Variants in GALNT1 observed in about 807,000 individuals in gnomAD.
GALNT1 encodes the protein GalNAc transferase 1.
Under a neutral mutation model 65.7 loss-of-function variants are expected in GALNT1, and 17 were observed. The ratio of observed to expected loss-of-function variants is 0.26; its 90% CI spans 0.18 to 0.39. The LOEUF (loss-of-function observed/expected upper bound fraction) is 0.39, where lower values mean the gene tolerates loss of function less well. GALNT1 is among the 10% of genes least tolerant of loss of function. The probability of loss-of-function intolerance (pLI) is 1.00; values close to 1 mark genes in which losing one functional copy is unlikely to be tolerated. For synonymous variants in GALNT1, 210 were observed against 219.7 expected, an observed-to-expected ratio of 0.96 and a Z score of 0.39; for missense variants, 460 against 672.8, an observed-to-expected ratio of 0.68 and a Z score of 3.50.
chr18:35,651,857 G>C (rs892552198), intron 1 of GALNT1, among the ~76,000 whole-genome samples: 2 of 152,034 alleles, frequency 1.3e-5, no homozygotes, highest in Admixed American at 1.3e-4. Flanking sequence ...GCAATGGGTC[G>C]TGCAAATTAA....
At chr18:35,584,181 A>G (rs1362886903) in intron 1 of GALNT1, among the ~76,000 whole-genome samples, 3 of 152,220 alleles carry the variant, frequency 2.0e-5, no homozygotes, top group African/African-American at 7.2e-5. Flanking sequence ...TTTGATGGAC[A>G]GCTTTCCATA....
chr18:35,682,906 A>C (rs2047806756), intron 4 of GALNT1, among the ~76,000 whole-genome samples: 1 of 53,676 alleles, frequency 1.9e-5, no homozygotes, highest in Non-Finnish European at 3.4e-5. Context: ...CTGCCCCCTG[A>C]TTAAAAAAAA....
At chr18:35,604,748 A>G (rs981572277) in intron 1 of GALNT1, among the ~76,000 whole-genome samples, 1 of 152,086 alleles carries the variant, frequency 6.6e-6, no homozygotes, top group African/African-American at 2.4e-5. Context: ...TCCTTTGTCC[A>G]TCTTTTAATA....
chr18:35,582,466 G>C (rs895526432), intron 1 of GALNT1, among the ~76,000 whole-genome samples: 4 of 152,186 alleles, frequency 2.6e-5, no homozygotes, highest in African/African-American at 9.7e-5. Flanking sequence ...GATTTGCATT[G>C]TCATTGCTTC....
chr18:35,653,522 C>G (rs966382875), intron 1 of GALNT1, among the ~76,000 whole-genome samples: 1 of 152,210 alleles, frequency 6.6e-6, no homozygotes, highest in Non-Finnish European at 1.5e-5. Context: ...AGCATAGACA[C>G]AGTGCAGACT....
At chr18:35,657,661 A>G (rs1387389164) in intron 2 of GALNT1, among the ~76,000 whole-genome samples, 2 of 152,298 alleles carry the variant, frequency 1.3e-5, no homozygotes, top group East Asian at 3.9e-4. Flanking sequence ...GCATTTGCTC[A>G]GAGGTTTTAC....
chr18:35,581,288 GGCCCTGCCCGTAGC>G, upstream of GALNT1: 1 of 151,550 alleles, frequency 6.6e-6, no homozygotes, highest in East Asian at 1.9e-4. Flanking sequence ...GGCCTGGCCC[GGCCCTGCCCGTAGC>G]CGTGTGAGCG....
At chr18:35,589,681 A>G (rs898167980) in intron 1 of GALNT1, among the ~76,000 whole-genome samples, 1 of 152,150 alleles carries the variant, frequency 6.6e-6, no homozygotes, top group Admixed American at 6.5e-5. Context: ...TTTTATATGT[A>G]ATGTTCAGAG....
intron 1 of GALNT1, among the ~76,000 whole-genome samples, chr18:35,613,735 A>G (rs1360625728): frequency 1.3e-5 from 2 of 152,202 alleles, no homozygotes; most frequent in Non-Finnish European, 2.9e-5. Flanking sequence ...TTGGAAAAGT[A>G]TAGGGTAGGG....
intron 2 of GALNT1, 138 bp downstream of exon 2, chr18:35,654,939 T>TC: frequency 1.9e-6 from 1 of 532,490 alleles, no homozygotes; most frequent in Non-Finnish European, 2.9e-6. Context: ...GAGGATCATA[T>TC]TGATAGTTCT....
At chr18:35,633,965 A>G (rs2047056232) in intron 1 of GALNT1, among the ~76,000 whole-genome samples, 1 of 152,188 alleles carries the variant, frequency 6.6e-6, no homozygotes, top group South Asian at 2.1e-4. Flanking sequence ...AATCATTCCC[A>G]GAGCCATTGC....
chr18:35,701,848 A>T (rs911756756), intron 9 of GALNT1, among the ~76,000 whole-genome samples: 2 of 152,202 alleles, frequency 1.3e-5, no homozygotes, highest in African/African-American at 4.8e-5. Context: ...TTTTGGTGGA[A>T]TAGCAAGATG....
intron 1 of GALNT1, among the ~76,000 whole-genome samples, chr18:35,589,434 G>T (rs2046417700): frequency 6.6e-6 from 1 of 152,156 alleles, no homozygotes; most frequent in South Asian, 2.1e-4. Context: ...GAGTAGAGTG[G>T]TTTTTTTCCT....
chr18:35,625,822 C>T (rs180868160), intron 1 of GALNT1, among the ~76,000 whole-genome samples: 11 of 152,244 alleles, frequency 7.2e-5, no homozygotes, highest in South Asian at 6.2e-4. Context: ...GAAACTCCAA[C>T]GCAGTGTTCT....
At chr18:35,607,264 G>A (rs1043839939) in intron 1 of GALNT1, among the ~76,000 whole-genome samples, 1 of 152,136 alleles carries the variant, frequency 6.6e-6, no homozygotes, top group Non-Finnish European at 1.5e-5. Context: ...GAGCAGAGTT[G>A]ATTGGGGATG....
intron 2 of GALNT1, 55 bp from the exon 3 acceptor site, chr18:35,663,573 T>C: frequency 6.6e-7 from 1 of 1,519,230 alleles, no homozygotes. Flanking sequence ...AATAGAATCA[T>C]GAATCAATCA....
chr18:35,635,751 G>T (rs1463283142), intron 1 of GALNT1, among the ~76,000 whole-genome samples: 2 of 151,344 alleles, frequency 1.3e-5, no homozygotes, highest in African/African-American at 4.9e-5. Context: ...TTTTAATTAG[G>T]GATTTATAGA....
intron 1 of GALNT1, among the ~76,000 whole-genome samples, chr18:35,619,192 G>A (rs377148464): frequency 2.6e-5 from 4 of 152,066 alleles, no homozygotes; most frequent in African/African-American, 9.7e-5. Context: ...TATATGTTTT[G>A]TTTTGTTTTT....
intron 4 of GALNT1, among the ~76,000 whole-genome samples, chr18:35,680,809 T>C (rs1403501698): frequency 2.0e-5 from 3 of 152,174 alleles, no homozygotes; most frequent in Non-Finnish European, 4.4e-5. Flanking sequence ...TTAATTGCTG[T>C]GTACCTCACT....
Sources: allele counts gnomAD v4.1 joint callset (sites outside exome capture counted in the v4.1 genomes callset), GRCh38; gene constraint gnomAD v4.1.1; transcripts MANE v1.5; gene names NCBI Gene and HGNC (gene_info 2026-07-23, HGNC 2026-07-21).